Variants in UNC5C observed in about 807,000 individuals in gnomAD.
UNC5C encodes unc-5 netrin receptor C.
A neutral mutation model predicts 99.8 loss-of-function variants in UNC5C; 47 were observed. That is an observed-to-expected ratio of 0.47 (90% confidence interval 0.37 to 0.60). The LOEUF is 0.60. Among genes scored for constraint, UNC5C ranks in the 20% least tolerant of loss-of-function variants. The pLI is 0.00. For missense variants in UNC5C, 1,062 were observed against 1,165.9 expected (o/e 0.91, Z 1.30); for synonymous variants, 487 against 452.2 (o/e 1.08, Z -0.98).
At chr4:95,380,023 A>T (rs1745019227) in intron 1 of UNC5C, among the ~76,000 whole-genome samples, 1 of 152,158 alleles carries the variant, frequency 6.6e-6, no homozygotes, top group Non-Finnish European at 1.5e-5. Flanking sequence ...CTCCTACTCC[A>T]TTAGAAACTT....
At chr4:95,310,214 C>A (rs1046007374) in intron 2 of UNC5C, among the ~76,000 whole-genome samples, 3 of 152,044 alleles carry the variant, frequency 2.0e-5, no homozygotes, top group Admixed American at 2.0e-4. Flanking sequence ...CATGATCACA[C>A]TTATATGTGG....
intron 1 of UNC5C, among the ~76,000 whole-genome samples, chr4:95,355,092 A>G (rs536093149): frequency 6.6e-6 from 1 of 152,236 alleles, no homozygotes; most frequent in East Asian, 1.9e-4. Flanking sequence ...TTGCTATAAA[A>G]ATAGGCTTTG....
chr4:95,444,629 C>A (rs1322233990), intron 1 of UNC5C, among the ~76,000 whole-genome samples: 1 of 152,156 alleles, frequency 6.6e-6, no homozygotes. Context: ...CCGCGCCGGG[C>A]CTGCATTGCC....
chr4:95,444,342 T>A (rs1747032511), intron 1 of UNC5C, among the ~76,000 whole-genome samples: 1 of 151,710 alleles, frequency 6.6e-6, no homozygotes, highest in Non-Finnish European at 1.5e-5. Flanking sequence ...CTTTTTTTTT[T>A]TTTTTTGAGA....
At chr4:95,294,270 G>A (rs1175600877) in intron 3 of UNC5C, among the ~76,000 whole-genome samples, 1 of 152,162 alleles carries the variant, frequency 6.6e-6, no homozygotes, top group Non-Finnish European at 1.5e-5. Context: ...ATAGACTCAC[G>A]AATATGAACA....
At chr4:95,353,222 T>C (rs1253283301) in intron 1 of UNC5C, among the ~76,000 whole-genome samples, 1 of 152,168 alleles carries the variant, frequency 6.6e-6, no homozygotes, top group South Asian at 2.1e-4. Context: ...TTGTTTTTAC[T>C]GCAGTCAGCT....
intron 4 of UNC5C, among the ~76,000 whole-genome samples, chr4:95,262,729 A>G (rs928303789): frequency 6.6e-6 from 1 of 152,198 alleles, no homozygotes; most frequent in Non-Finnish European, 1.5e-5. Flanking sequence ...TTTTATGCCT[A>G]AAATTTATTC....
intron 1 of UNC5C, among the ~76,000 whole-genome samples, chr4:95,380,268 A>G (rs1745031389): frequency 6.6e-6 from 1 of 152,168 alleles, no homozygotes; most frequent in South Asian, 2.1e-4. Context: ...TGTTTAAAAT[A>G]ATATAGAACA....
intron 4 of UNC5C, among the ~76,000 whole-genome samples, chr4:95,265,147 G>A (rs1035977470): frequency 1.3e-5 from 2 of 152,140 alleles, no homozygotes; most frequent in Admixed American, 6.6e-5. Flanking sequence ...GTTTGAGAAT[G>A]AGATATGCAC....
At chr4:95,536,604 T>C (rs1373156634) in intron 1 of UNC5C, among the ~76,000 whole-genome samples, 48 of 152,340 alleles carry the variant, frequency 3.2e-4, no homozygotes, top group Non-Finnish European at 4.4e-5. Flanking sequence ...AAATTTATTG[T>C]GTGGCCAAAT....
chr4:95,242,614 C>T (rs1381725753), intron 6 of UNC5C, 21 bp from the exon 7 acceptor site: 77 of 1,535,702 alleles, frequency 5.0e-5, no homozygotes, highest in Non-Finnish European at 6.7e-5. Context: ...AAAAATGCAG[C>T]AGGAGGTCAG....
chr4:95,236,614 G>A (rs74984366), intron 7 of UNC5C, among the ~76,000 whole-genome samples: 6,789 of 69,408 alleles, frequency 0.098, 500 homozygotes, highest in African/African-American at 0.23. Flanking sequence ...AGAAAAAAAA[G>A]AATAGAAAGC....
intron 2 of UNC5C, among the ~76,000 whole-genome samples, chr4:95,328,128 A>G (rs1742971613): frequency 9.3e-6 from 1 of 107,998 alleles, no homozygotes; most frequent in South Asian, 3.9e-4. Flanking sequence ...GGTTAGTTAC[A>G]TATGTATACA....
intron 1 of UNC5C, among the ~76,000 whole-genome samples, chr4:95,414,217 C>G (rs545083787): frequency 7.7e-6 from 1 of 130,308 alleles, no homozygotes; most frequent in Non-Finnish European, 1.7e-5. Context: ...TTCCCCACCT[C>G]CCCCCCACAA....
At chr4:95,322,539 A>C (rs6831037) in intron 2 of UNC5C, among the ~76,000 whole-genome samples, 1,991 of 152,316 alleles carry the variant, frequency 0.013, 44 homozygotes, top group African/African-American at 0.045. Context: ...GAGATTACAT[A>C]TATTATATAT....
intron 1 of UNC5C, among the ~76,000 whole-genome samples, chr4:95,346,694 C>A (rs1014725480): frequency 6.6e-6 from 1 of 151,620 alleles, no homozygotes; most frequent in African/African-American, 2.4e-5. Flanking sequence ...CGATGAAAAC[C>A]CATTTGATAA....
intron 1 of UNC5C, among the ~76,000 whole-genome samples, chr4:95,341,001 A>C (rs76799665): frequency 1.3e-5 from 2 of 152,126 alleles, no homozygotes; most frequent in East Asian, 3.9e-4. Flanking sequence ...AAAAATACTC[A>C]ATGACTGATG....
intron 1 of UNC5C, among the ~76,000 whole-genome samples, chr4:95,398,044 CTTT>C (rs34609153): frequency 8.3e-5 from 8 of 95,894 alleles, no homozygotes; most frequent in African/African-American, 9.8e-5. Flanking sequence ...CCAAATGTAG[CTTT>C]TTTTTTTTTT....
chr4:95,261,067 A>G (rs1478076447), intron 4 of UNC5C, among the ~76,000 whole-genome samples: 1 of 152,162 alleles, frequency 6.6e-6, no homozygotes, highest in East Asian at 1.9e-4. Flanking sequence ...TTCTGTCCAT[A>G]AAACCAAGAA....
Sources: allele counts gnomAD v4.1 joint callset (sites outside exome capture counted in the v4.1 genomes callset), GRCh38; gene constraint gnomAD v4.1.1; transcripts MANE v1.5; gene names NCBI Gene and HGNC (gene_info 2026-07-23, HGNC 2026-07-21).